Variants in INSYN2A observed in about 807,000 individuals in gnomAD.
INSYN2A encodes the protein inhibitory synaptic factor 2A.
INSYN2A carries 17 observed loss-of-function variants against 39.4 expected under a neutral mutation model. That is an observed-to-expected ratio of 0.43 (90% confidence interval 0.30 to 0.65). The LOEUF is 0.65. INSYN2A is among the 30% of genes least tolerant of loss of function. The pLI, the probability that INSYN2A is intolerant of heterozygous loss-of-function variation, is 0.14. For synonymous variants in INSYN2A, 255 were observed against 265.7 expected, an observed-to-expected ratio of 0.96 and a Z score of 0.39; for missense variants, 595 against 631.2, an observed-to-expected ratio of 0.94 and a Z score of 0.61.
intron 5 of INSYN2A, among the ~76,000 whole-genome samples, chr10:127,143,001 AG>A (rs1384941779): frequency 1.3e-5 from 2 of 152,158 alleles, no homozygotes; most frequent in Non-Finnish European, 2.9e-5. Flanking sequence ...AGACTGTGCT[AG>A]GCTTTGTAGT....
At chr10:127,143,178 T>G (rs1344225430) in intron 5 of INSYN2A, among the ~76,000 whole-genome samples, 1 of 152,202 alleles carries the variant, frequency 6.6e-6, no homozygotes, top group Non-Finnish European at 1.5e-5. Context: ...GAACACATTT[T>G]TAAAGTTGCC....
intron 4 of INSYN2A, among the ~76,000 whole-genome samples, chr10:127,167,514 C>A (rs900155326): frequency 1.3e-5 from 2 of 151,992 alleles, no homozygotes; most frequent in African/African-American, 2.4e-5. Context: ...CCCCCCGCCC[C>A]GAAACTTTTA....
rs138344669 is a variant in INSYN2A at position 127,150,653 on chromosome 10, C to G, written c.1256+3199G>C. ...CCTGGACCTGTTTATACAATTAGTACTCACTATTGAAATGATGTGATTATT... is the reference window on the plus strand; with the variant it reads ...CCTGGACCTGTTTATACAATTAGTAGTCACTATTGAAATGATGTGATTATT... On this transcript the variant is annotated intron_variant, in intron 5 of 5. Coordinates refer to ENST00000522781, the MANE Select transcript of INSYN2A (RefSeq NM_001039762.3). Among the ~76,000 whole-genome samples, 200 of 152,336 alleles carry G rather than the reference C, an allele frequency of 1.3e-3. 1 individual carries two copies. Among genetic ancestry groups the G allele is most frequent in the African/African-American group, 4.5e-3 (189 of 41,560 alleles).
chr10:127,140,664 C>CGAGTCTCTGGGTTGAGTTTGACACACT (rs1308887669), intron 5 of INSYN2A, among the ~76,000 whole-genome samples: 6 of 137,936 alleles, frequency 4.3e-5, no homozygotes, highest in Non-Finnish European at 7.4e-5. Flanking sequence ...TTTGACACAC[C>CGAGTCTCTGGGTTGAGTTTGACACACT]GAGTCTCTGG....
At chr10:127,164,212 C>A (rs2053872661) in intron 4 of INSYN2A, among the ~76,000 whole-genome samples, 1 of 110,628 alleles carries the variant, frequency 9.0e-6, no homozygotes, top group Non-Finnish European at 1.7e-5. Flanking sequence ...GAGACAGAGT[C>A]CTGCTCTGTC....
Position 127,176,282 on chromosome 10 carries a change from A to T in INSYN2A, c.114T>A (p.Ile38=), listed in dbSNP as rs1453330233. 1 of 1,613,912 alleles carries T rather than the reference A, an allele frequency of 6.2e-7. No homozygotes were observed. Among genetic ancestry groups the T allele is most frequent in the Non-Finnish European group, 8.5e-7 (1 of 1,180,000 alleles). The change falls in exon 4 of 6, where the codon ATT becomes ATA. Residue 38 remains isoleucine (I), a synonymous_variant. Transcript: ENST00000522781. The surrounding 1 kb of genome is among the most constrained non-coding windows in gnomAD (Gnocchi z 4.4). ...CCTGCAGGGCTTTGTTCCGTTTTTT[A>T]ATCTGCCGGTTGGGGTCCAGGGCGT... ...MKYALDPNRQ[I]KKRNKALQVR...
chr10:127,184,228 G>T (rs981234974), intron 2 of INSYN2A, among the ~76,000 whole-genome samples: 6 of 152,108 alleles, frequency 3.9e-5, no homozygotes, highest in African/African-American at 1.4e-4. Flanking sequence ...GGGGTCACGA[G>T]ACCCATCTCC....
At chr10:127,164,770 GT>G (rs2053931447) in intron 4 of INSYN2A, among the ~76,000 whole-genome samples, 2 of 152,130 alleles carry the variant, frequency 1.3e-5, no homozygotes, top group South Asian at 4.2e-4. Flanking sequence ...ATTATTTTGT[GT>G]GTGGACTGCC....
chr10:127,180,987 A>G (rs559300041), intron 2 of INSYN2A, among the ~76,000 whole-genome samples: 1 of 152,316 alleles, frequency 6.6e-6, no homozygotes, highest in African/African-American at 2.4e-5. Flanking sequence ...GCCAATGAAA[A>G]TAACACAAGG....
chr10:127,145,890 C>T lies in INSYN2A; in HGVS notation c.1257-7870G>A, dbSNP rs138423800. Reference sequence around the variant, plus strand: ...TGTGTCATCTGGTGTCACCAGTGACCGGTCTAAACGTCAGCCTGTGCATTC... The same window carrying T: ...TGTGTCATCTGGTGTCACCAGTGACTGGTCTAAACGTCAGCCTGTGCATTC... On this transcript the variant is annotated intron_variant, in intron 5 of 5. Transcript: ENST00000522781. 1,370 of 435,230 alleles carry T rather than the reference C, an allele frequency of 3.1e-3. 12 individuals are homozygous for T. The Middle Eastern group carries it at 0.037, about 12-fold the overall frequency. 27.0% of individuals were successfully genotyped at this position (435,230 alleles called of 1,614,324 possible). A position where few individuals can be genotyped will look rare whatever the true frequency, so the allele number is the denominator to read the frequency against.
intron 1 of INSYN2A, among the ~76,000 whole-genome samples, chr10:127,195,467 C>G (rs2134159861): frequency 6.6e-6 from 1 of 152,316 alleles, no homozygotes; most frequent in Non-Finnish European, 1.5e-5. Context: ...TCTGCCTTCA[C>G]TGCTGCTCGC....
intron 4 of INSYN2A, among the ~76,000 whole-genome samples, chr10:127,157,799 T>G (rs1490531605): frequency 1.3e-5 from 2 of 152,240 alleles, no homozygotes; most frequent in Non-Finnish European, 2.9e-5. Flanking sequence ...TTTGGGATCT[T>G]TCTTTTGTTT....
chr10:127,188,318 T>C (rs2056461980), intron 2 of INSYN2A, among the ~76,000 whole-genome samples: 1 of 152,236 alleles, frequency 6.6e-6, no homozygotes. Flanking sequence ...AATTATGGGA[T>C]GGCAAATTCC....
At chr10:127,153,825 A>C (rs767074417) in intron 5 of INSYN2A, 27 bp downstream of exon 5, 11 of 1,540,450 alleles carry the variant, frequency 7.1e-6, no homozygotes, top group Non-Finnish European at 4.5e-6. Context: ...ATAATAAGAA[A>C]GTGGGAAGAG....
chr10:127,180,283 G>T (rs2055601623), intron 2 of INSYN2A, among the ~76,000 whole-genome samples: 2 of 152,192 alleles, frequency 1.3e-5, no homozygotes, highest in African/African-American at 4.8e-5. Flanking sequence ...ATTCTGGACT[G>T]AGCATGAAGC....
At chr10:127,186,358 C>T (rs1015756369) in intron 2 of INSYN2A, among the ~76,000 whole-genome samples, 6 of 152,124 alleles carry the variant, frequency 3.9e-5, no homozygotes, top group Admixed American at 6.5e-5. Context: ...ACTGAATGAG[C>T]GCAAGCAGGG....
At chr10:127,140,291 A>T (rs1024180468) in intron 5 of INSYN2A, among the ~76,000 whole-genome samples, 1 of 152,080 alleles carries the variant, frequency 6.6e-6, no homozygotes, top group African/African-American at 2.4e-5. Flanking sequence ...TAACAAAATG[A>T]CTCGACTTTA....
chr10:127,165,600 C>A (rs1256540606), intron 4 of INSYN2A, among the ~76,000 whole-genome samples: 1 of 152,150 alleles, frequency 6.6e-6, no homozygotes, highest in East Asian at 1.9e-4. Flanking sequence ...GCATTGCAAA[C>A]AATGCAGTAT....
At chr10:127,152,092 T>A (rs1273882540) in intron 5 of INSYN2A, among the ~76,000 whole-genome samples, 1 of 152,174 alleles carries the variant, frequency 6.6e-6, no homozygotes, top group Non-Finnish European at 1.5e-5. Context: ...GAACCTACCC[T>A]GGATGTCTTG....
Sources: gnomAD v4.1 joint callset for allele counts (sites outside exome capture counted in the v4.1 genomes callset) on GRCh38, gnomAD v4.1.1 for gene constraint, Gnocchi (gnomAD v3.1) non-coding constraint, MANE v1.5 for transcripts, NCBI Gene and HGNC (gene_info 2026-07-23, HGNC 2026-07-21) for gene names.